Variants in KHDRBS2 observed in about 807,000 individuals in gnomAD.
The protein encoded by KHDRBS2 is KH domain-containing, RNA-binding, signal transduction-associated protein 2.
Under a neutral mutation model 44.3 loss-of-function variants are expected in KHDRBS2, and 26 were observed. The observed-to-expected ratio is 0.59, with a 90% CI of 0.43 to 0.81. The LOEUF is 0.81. Among genes scored for constraint, KHDRBS2 ranks in the 40% least tolerant of loss-of-function variants. The pLI is 0.00. For synonymous variants in KHDRBS2, 194 were observed against 151.1 expected, an observed-to-expected ratio of 1.28 and a Z score of -2.08; for missense variants, 476 against 433.1, an observed-to-expected ratio of 1.10 and a Z score of -0.88.
intron 2 of KHDRBS2, among the ~76,000 whole-genome samples, chr6:62,113,800 TACA>T (rs1222921728): frequency 6.6e-6 from 1 of 152,082 alleles, no homozygotes; most frequent in Non-Finnish European, 1.5e-5. Flanking sequence ...ACTCTAACAT[TACA>T]ACAATTGACA....
At chr6:61,643,773 G>T in the KHDRBS2 span, among the ~76,000 whole-genome samples, 1 of 152,040 alleles carries the variant, frequency 6.6e-6, no homozygotes, top group Admixed American at 6.6e-5. Context: ...TCTGCAATGA[G>T]AATTACAAAA....
At chr6:61,933,200 G>A (rs1365576011) in intron 4 of KHDRBS2, among the ~76,000 whole-genome samples, 1 of 152,116 alleles carries the variant, frequency 6.6e-6, no homozygotes, top group Non-Finnish European at 1.5e-5. Flanking sequence ...GGAAGGTGGT[G>A]CTACACACTT....
chr6:61,557,060 T>C, the KHDRBS2 span, among the ~76,000 whole-genome samples: 1 of 152,012 alleles, frequency 6.6e-6, no homozygotes. Context: ...AACAATATTG[T>C]CATATTATGG....
chr6:62,104,386 C>A (rs1404829843), intron 2 of KHDRBS2, among the ~76,000 whole-genome samples: 1 of 152,112 alleles, frequency 6.6e-6, no homozygotes, highest in Non-Finnish European at 1.5e-5. Flanking sequence ...TGGTGCACTG[C>A]ACCCACTAAC....
chr6:61,722,470 G>T (rs1368811826), intron 7 of KHDRBS2, among the ~76,000 whole-genome samples: 1 of 151,948 alleles, frequency 6.6e-6, no homozygotes, highest in Admixed American at 6.6e-5. Context: ...TTCCATTTAG[G>T]CATCTTCCAG....
chr6:62,061,207 C>T (rs938494439), intron 2 of KHDRBS2, among the ~76,000 whole-genome samples: 3 of 150,886 alleles, frequency 2.0e-5, no homozygotes, highest in African/African-American at 7.3e-5. Context: ...TGAATTTGAT[C>T]CTGTCATTAT....
chr6:61,686,175 G>C (rs749251395), intron 8 of KHDRBS2, among the ~76,000 whole-genome samples: 2 of 151,702 alleles, frequency 1.3e-5, no homozygotes, highest in African/African-American at 4.8e-5. Flanking sequence ...AAAGAAGCTT[G>C]TTAAACCCAC....
intron 6 of KHDRBS2, among the ~76,000 whole-genome samples, chr6:61,799,269 C>A (rs1785873783): frequency 6.6e-6 from 1 of 151,896 alleles, no homozygotes; most frequent in African/African-American, 2.4e-5. Context: ...TTTTGAATAA[C>A]TCGAGGGCTT....
intron 2 of KHDRBS2, among the ~76,000 whole-genome samples, chr6:62,138,094 AC>A (rs1811961731): frequency 6.6e-6 from 1 of 152,212 alleles, no homozygotes; most frequent in Non-Finnish European, 1.5e-5. Context: ...CAGAAGCACA[AC>A]CACAATTGAT....
chr6:61,686,399 T>C (rs534965070), intron 8 of KHDRBS2, among the ~76,000 whole-genome samples: 7 of 151,884 alleles, frequency 4.6e-5, no homozygotes, highest in Non-Finnish European at 1.0e-4. Context: ...GTTTCTGATG[T>C]TTCTAAGGAG....
At chr6:62,271,528 T>C (rs1028085467) in intron 1 of KHDRBS2, among the ~76,000 whole-genome samples, 1 of 152,196 alleles carries the variant, frequency 6.6e-6, no homozygotes, top group African/African-American at 2.4e-5. Flanking sequence ...TTAAACAGGC[T>C]CAGGCAGATC....
chr6:61,893,266 T>C (rs1427219729), intron 6 of KHDRBS2, among the ~76,000 whole-genome samples: 1 of 152,190 alleles, frequency 6.6e-6, no homozygotes, highest in East Asian at 1.9e-4. Flanking sequence ...CTGGAGAGGA[T>C]GTGGAGAAGT....
At chr6:62,069,701 A>G (rs1794542182) in intron 2 of KHDRBS2, among the ~76,000 whole-genome samples, 1 of 151,824 alleles carries the variant, frequency 6.6e-6, no homozygotes, top group Admixed American at 6.6e-5. Context: ...TCAACCCTTG[A>G]GTTCACTGCA....
chr6:61,679,806 T>C (rs559625971), downstream of KHDRBS2, among the ~76,000 whole-genome samples: 1 of 152,056 alleles, frequency 6.6e-6, no homozygotes, highest in Non-Finnish European at 1.5e-5. Flanking sequence ...GGATATTTAA[T>C]GTGCGGGGAA....
At position 61,732,715 on chromosome 6, in the gene KHDRBS2, G is replaced by T; in HGVS notation, c.860C>A (p.Thr287Asn). 2 of 1,612,064 alleles carry T rather than the reference G, an allele frequency of 1.2e-6. No individual in the cohort carries two copies. The highest frequency in any genetic ancestry group is 1.7e-6 in the Non-Finnish European group (2 of 1,178,258). Reference sequence around the variant, plus strand: ...TTGGGTCGCATAGCTGTTATCATAAGTCTCATAGGTCTGGTCATCATATTC... The same window carrying T: ...TTGGGTCGCATAGCTGTTATCATAATTCTCATAGGTCTGGTCATCATATTC... ...GGEYDDQTYE[T>N]YDNSYATQTQ... Residue 287 changes from threonine (T) to asparagine (N), a missense_variant, in exon 7 of 9, where the codon ACT becomes AAT. Physicochemically the swap from Thr to Asn is moderately conservative, Grantham distance 65. Coordinates refer to ENST00000281156, the MANE Select transcript of KHDRBS2 (RefSeq NM_152688.4).
At chr6:61,589,945 G>A in the KHDRBS2 span, among the ~76,000 whole-genome samples, 4 of 152,134 alleles carry the variant, frequency 2.6e-5, no homozygotes, top group African/African-American at 9.6e-5. Flanking sequence ...ATGATCAACT[G>A]CTCAAAAACA....
the KHDRBS2 span, among the ~76,000 whole-genome samples, chr6:61,646,429 A>T: frequency 6.6e-6 from 1 of 152,304 alleles, no homozygotes; most frequent in African/African-American, 2.4e-5. Context: ...TCCAAGGACA[A>T]CTACTTTCTT....
At chr6:62,045,710 T>C (rs2127304214) in intron 3 of KHDRBS2, among the ~76,000 whole-genome samples, 1 of 152,142 alleles carries the variant, frequency 6.6e-6, no homozygotes, top group Non-Finnish European at 1.5e-5. Flanking sequence ...CAATCCCATG[T>C]GATGTATTTA....
intron 4 of KHDRBS2, among the ~76,000 whole-genome samples, chr6:61,945,563 T>G (rs1283490492): frequency 6.6e-6 from 1 of 152,062 alleles, no homozygotes; most frequent in African/African-American, 2.4e-5. Flanking sequence ...ATATAACATT[T>G]TATTTATTTA....
Sources: allele counts gnomAD v4.1 joint callset (sites outside exome capture counted in the v4.1 genomes callset), GRCh38; gene constraint gnomAD v4.1.1; transcripts MANE v1.5; gene names NCBI Gene and HGNC (gene_info 2026-07-23, HGNC 2026-07-21).